Variants in COA1 observed in about 807,000 individuals in gnomAD.
The protein encoded by COA1 is cytochrome c oxidase assembly factor 1 homolog.
In COA1, 13 loss-of-function variants were observed where a neutral mutation model predicts 16.0. That is an observed-to-expected ratio of 0.81 (90% CI 0.53 to 1.29). The LOEUF (loss-of-function observed/expected upper bound fraction) is 1.29, where lower values mean the gene tolerates loss of function less well. COA1 is among the 50% of genes most tolerant of loss of function. The pLI, the probability that COA1 is intolerant of heterozygous loss-of-function variation, is 0.00. For synonymous variants in COA1, 65 were observed against 65.7 expected, an observed-to-expected ratio of 0.99 and a Z score of 0.05; for missense variants, 179 against 177.0, an observed-to-expected ratio of 1.01 and a Z score of -0.06.
intron 6 of COA1, among the ~76,000 whole-genome samples, chr7:43,619,302 C>T (rs187284177): frequency 1.3e-5 from 2 of 152,208 alleles, no homozygotes; most frequent in East Asian, 3.9e-4. Context: ...AGCAAGCGTG[C>T]TGCATGCAAG....
At chr7:43,717,127 C>T (rs1469163722) in intron 1 of COA1, among the ~76,000 whole-genome samples, 1 of 152,238 alleles carries the variant, frequency 6.6e-6, no homozygotes, top group African/African-American at 2.4e-5. Flanking sequence ...GGAGCCCCCA[C>T]ACAGAGTCCC....
At chr7:43,704,682 A>AAATGG (rs1328358651) in intron 1 of COA1, among the ~76,000 whole-genome samples, 1 of 152,130 alleles carries the variant, frequency 6.6e-6, no homozygotes, top group African/African-American at 2.4e-5. Context: ...TTCTTTCTTA[A>AAATGG]AATGGCTTTG....
chr7:43,624,929 G>C (rs960151636), intron 6 of COA1: 2 of 1,186,504 alleles, frequency 1.7e-6, no homozygotes, highest in Non-Finnish European at 2.3e-6. Flanking sequence ...TACATGTACT[G>C]GAAGTGGATA....
intron 1 of COA1, among the ~76,000 whole-genome samples, chr7:43,706,275 C>T (rs891604320): frequency 2.6e-5 from 4 of 152,130 alleles, no homozygotes; most frequent in Non-Finnish European, 4.4e-5. Context: ...CAGTGGCTCA[C>T]GCCTGTAATC....
intron 6 of COA1, among the ~76,000 whole-genome samples, chr7:43,630,306 C>A (rs2085045846): frequency 1.3e-5 from 2 of 152,098 alleles, no homozygotes; most frequent in Admixed American, 1.3e-4. Context: ...TTTCTCCTTG[C>A]CATTTTTATT....
chr7:43,628,890 G>A (rs1195505493), intron 6 of COA1, among the ~76,000 whole-genome samples: 1 of 152,084 alleles, frequency 6.6e-6, no homozygotes, highest in Non-Finnish European at 1.5e-5. Context: ...ATGAATTTTT[G>A]TTTTATAGTT....
chr7:43,635,933 G>A (rs146011776), downstream of COA1, among the ~76,000 whole-genome samples: 35 of 152,152 alleles, frequency 2.3e-4, no homozygotes, highest in East Asian at 7.7e-4. Flanking sequence ...CTGCCTTGGC[G>A]GCTTATTATT....
chr7:43,646,837 G>A (rs1045524583), intron 3 of COA1: 4 of 275,424 alleles, frequency 1.5e-5, no homozygotes, highest in Non-Finnish European at 3.0e-5. Context: ...CACATCCTGG[G>A]AAGAAGTGAA....
At chr7:43,689,216 C>T (rs2094168428) in intron 1 of COA1, among the ~76,000 whole-genome samples, 1 of 152,236 alleles carries the variant, frequency 6.6e-6, no homozygotes, top group African/African-American at 2.4e-5. Flanking sequence ...TACAAACTGC[C>T]TTAAGCATGG....
rs76044398 is a variant in COA1 at position 43,639,622 on chromosome 7, T to C, written c.401A>G (p.Lys134Arg). Reference sequence around the variant, plus strand: ...TTCATCACCGTTTTCCCCACTGAGCTTGAACACAGGAATCTGCTGACCATC... The same window carrying C: ...TTCATCACCGTTTTCCCCACTGAGCCTGAACACAGGAATCTGCTGACCATC... ...LKDGQQIPVF[K>R]LSGENGDEVK... Residue 134 changes from lysine (K) to arginine (R), a missense_variant, in exon 6 of 6, where the codon AAG becomes AGG. Physicochemically the swap from Lys to Arg is conservative, Grantham distance 26 (BLOSUM62 2). Coordinates refer to ENST00000223336, the MANE Select transcript of COA1 (RefSeq NM_018224.4). 1 of 1,614,030 alleles carries C rather than the reference T, an allele frequency of 6.2e-7. No homozygotes were observed.
intron 6 of COA1, chr7:43,622,689 A>G (rs886854786): frequency 5.0e-5 from 6 of 119,264 alleles, no homozygotes; most frequent in Non-Finnish European, 1.0e-4. Flanking sequence ...ACTTTATATC[A>G]AAGTTTTTTG....
chr7:43,631,672 T>C (rs1255047768), intron 6 of COA1: 1 of 152,244 alleles, frequency 6.6e-6, no homozygotes, highest in East Asian at 1.9e-4. Flanking sequence ...CAAGCTTTTT[T>C]CTGTCTTTAG....
intron 1 of COA1, among the ~76,000 whole-genome samples, chr7:43,671,035 T>C (rs935212693): frequency 6.6e-6 from 1 of 152,360 alleles, no homozygotes; most frequent in South Asian, 2.1e-4. Context: ...AAAGAATGAA[T>C]AGTCTTTTCA....
chr7:43,701,448 C>A (rs1394212172), intron 1 of COA1, among the ~76,000 whole-genome samples: 1 of 152,200 alleles, frequency 6.6e-6, no homozygotes, highest in Non-Finnish European at 1.5e-5. Context: ...CATGATTCTG[C>A]TCTTTTTTAT....
At chr7:43,641,382 A>G (rs2087051519) in intron 4 of COA1, 1 of 151,454 alleles carries the variant, frequency 6.6e-6, no homozygotes, top group African/African-American at 2.4e-5. Context: ...ATATGTGCTT[A>G]TGTGTATGAT....
chr7:43,619,683 T>C, intron 6 of COA1: 2 of 1,614,094 alleles, frequency 1.2e-6, no homozygotes, highest in Non-Finnish European at 1.7e-6. Flanking sequence ...TGAAGAACAG[T>C]GAAGAGCTCC....
intron 6 of COA1, among the ~76,000 whole-genome samples, chr7:43,628,916 CTCTT>C (rs765371618): frequency 6.6e-6 from 1 of 152,132 alleles, no homozygotes; most frequent in Non-Finnish European, 1.5e-5. Flanking sequence ...TTTCTTTGTG[CTCTT>C]TAAGAAGTCT....
At position 43,648,494 on chromosome 7, in the gene COA1, C is replaced by A. The variant is rs561925974; in HGVS notation, c.15+106G>T. 7.7e-5 allele frequency: 91 copies of A among 1,182,290 alleles called. 1 individual carries two copies. Among genetic ancestry groups the A allele is most frequent in the South Asian group, 1.7e-4 (14 of 82,442 alleles). The allele number at this position is 1,182,290 out of a possible 1,614,324, so 73.2% of individuals were successfully genotyped here. A position where few individuals can be genotyped will look rare whatever the true frequency, so the allele number is the denominator to read the frequency against. ...TAAAGCACAAGTGAACCCTAAAGAC[C>A]AGGAGAAGCCCATAACTATTCAGGG... On this transcript the variant is annotated intron_variant, in intron 2 of 5. Coordinates refer to ENST00000223336, the MANE Select transcript of COA1 (RefSeq NM_018224.4).
intron 1 of COA1, among the ~76,000 whole-genome samples, chr7:43,689,060 A>G (rs914296560): frequency 1.3e-5 from 2 of 152,212 alleles, no homozygotes; most frequent in African/African-American, 4.8e-5. Context: ...AAATCTTCTC[A>G]GTTCATCATA....
Sources: gnomAD v4.1 joint callset for allele counts (sites outside exome capture counted in the v4.1 genomes callset) on GRCh38, gnomAD v4.1.1 for gene constraint, MANE v1.5 for transcripts, NCBI Gene and HGNC (gene_info 2026-07-23, HGNC 2026-07-21) for gene names.